The following MUC5B variants were observed in gnomAD, a reference collection of about 807,000 sequenced individuals.
MUC5B encodes the protein mucin-5B.
Under a neutral mutation model 376.9 loss-of-function variants are expected in MUC5B, and 116 were observed. The observed-to-expected ratio is 0.31, with a 90% CI of 0.26 to 0.36. The LOEUF (loss-of-function observed/expected upper bound fraction) is 0.36. Ranked by LOEUF, MUC5B falls within the 10% of genes least tolerant of loss-of-function variation. The pLI, the probability that MUC5B is intolerant of heterozygous loss-of-function variation, is 1.00. For synonymous variants in MUC5B, 3,517 were observed against 3,390.9 expected, an observed-to-expected ratio of 1.04 and a Z score of -1.29; for missense variants, 7,165 against 7,769.9, an observed-to-expected ratio of 0.92 and a Z score of 2.93.
rs761217524 is a variant in MUC5B, at chr11:1,257,799, G to A, written c.16450+89G>A. 39 of 1,406,578 alleles carry A rather than the reference G, an allele frequency of 2.8e-5. No homozygotes were observed. The highest frequency in any genetic ancestry group is 2.5e-4 in the Middle Eastern group (1 of 3,950). 87.1% of individuals were successfully genotyped at this position (1,406,578 alleles called of 1,614,324 possible). A position where few individuals can be genotyped will look rare whatever the true frequency, so the allele number is the denominator to read the frequency against. On this transcript the variant is annotated intron_variant, in intron 41 of 48. Coordinates refer to ENST00000529681, the MANE Select transcript of MUC5B (RefSeq NM_002458.3). The surrounding 1 kb of genome is among the most constrained non-coding windows in gnomAD (Gnocchi z 8.9). ...AGGGGCCTGTGGGTTGGGCACAGGAGAGCAGAGGAGAGCCACTGTGTCCTG... is the reference window on the plus strand; with the variant it reads ...AGGGGCCTGTGGGTTGGGCACAGGAAAGCAGAGGAGAGCCACTGTGTCCTG...
In MUC5B at chr11:1,251,563, C is replaced by T. The variant is rs56159668; in HGVS notation, c.14683C>T (p.Pro4895Ser). Residue 4895 changes from proline to serine, a missense_variant, in exon 31 of 49, where the codon CCC (proline) becomes TCC (serine). Around this residue, in one of 31 missense-constraint regions of MUC5B, gnomAD observed 730 missense variants for 592.7 expected, o/e 1.23. Coordinates refer to ENST00000529681, the MANE Select transcript of MUC5B (RefSeq NM_002458.3). ...GCCCACAGCCACTGCCTCCACGGTT[C>T]CCAGCTCGTCCACCGTGGGGACCAC... is the stretch of plus-strand genomic sequence containing the variant. ...TMPTATASTV[P>S]SSSTVGTTRT... The T allele has an allele frequency of 9.0e-3, 14,454 of 1,612,280 alleles. 81 individuals are homozygous for T. Among genetic ancestry groups the T allele is most frequent in the Middle Eastern group, 0.011 (67 of 6,062 alleles).
Position 1,255,409 on chromosome 11 carries a change from T to A in MUC5B, c.15917T>A (p.Val5306Glu). 1 of 1,603,220 alleles carries A rather than the reference T, an allele frequency of 6.2e-7. No individual in the cohort carries two copies. The highest frequency in any genetic ancestry group is 8.5e-7 in the Non-Finnish European group (1 of 1,175,000). Residue 5306 changes from valine (V) to glutamate (E), a missense_variant, in exon 37 of 49, where the codon GTG (valine) becomes GAG (glutamate). By Grantham distance (121) the Val-to-Glu change is moderately radical. Coordinates refer to ENST00000529681, the MANE Select transcript of MUC5B (RefSeq NM_002458.3). ...GTCTTTGCTGAGTGCCACAACCTTG[T>A]GCCCCCGGGCCCATTCTTCAACGCC... The part of the protein sequence containing the change: ...SQVFAECHNL[V>E]PPGPFFNACI...
At position 1,242,190 on chromosome 11, in the gene MUC5B, C is replaced by G; in HGVS notation, c.5310C>G (p.Ser1770Arg). 1 of 1,613,544 alleles carries G rather than the reference C, an allele frequency of 6.2e-7. No homozygotes were observed. Among genetic ancestry groups the G allele is most frequent in the African/African-American group, 1.3e-5 (1 of 75,016 alleles). The stretch of plus-strand genomic sequence containing the variant: ...CGCCCAGGACAGAGACGACAATGAG[C>G]CCCTTGACTAACACCACCACCAGCC... ...TSTPRTETTMSPLTNTTTSQG... is the reference protein window; with the variant it reads ...TSTPRTETTMRPLTNTTTSQG... The change falls in exon 31 of 49, where the codon AGC becomes AGG. Residue 1770 changes from serine (S) to arginine (R), a missense_variant. By Grantham distance (110) the Ser-to-Arg change is moderately radical. Around this residue, in one of 31 missense-constraint regions of MUC5B, gnomAD observed 897 missense variants for 779.6 expected, o/e 1.15. Transcript: ENST00000529681.
chr11:1,235,985 C>A (rs1229355776), intron 23 of MUC5B, among the ~76,000 whole-genome samples: 1 of 152,208 alleles, frequency 6.6e-6, no homozygotes, highest in Non-Finnish European at 1.5e-5. Context: ...CAAAGGGGGG[C>A]CAGAGCTCCC....
Position 1,247,168 on chromosome 11 carries a change from A to G in MUC5B, c.10288A>G (p.Ser3430Gly). The change falls in exon 31 of 49, where the codon AGC becomes GGC. Residue 3430 changes from serine (S) to glycine (G), a missense_variant. This residue lies in a region of MUC5B where 939 missense variants were observed against 770.6 expected (regional missense o/e 1.22). Coordinates refer to ENST00000529681, the MANE Select transcript of MUC5B (RefSeq NM_002458.3). ...CACCGCCACCACACCTGCAGCCACC[A>G]GCAGCACAGTGACTCCCTCCTCTGC... ...TTTATTPAAT[S>G]STVTPSSALG... 1.3e-6 allele frequency: 2 copies of G among 1,544,390 alleles called. No homozygotes were observed. Among genetic ancestry groups the G allele is most frequent in the Non-Finnish European group, 1.8e-6 (2 of 1,131,770 alleles).
At position 1,234,192 on chromosome 11, in the gene MUC5B, G is replaced by A. The variant is rs1325430600; in HGVS notation, c.2378-13G>A. 5 of 1,588,844 alleles carry A rather than the reference G, an allele frequency of 3.1e-6. No homozygotes were observed. In the East Asian group the frequency reaches 6.8e-5, roughly 22 times the overall value. On this transcript the variant is annotated splice_polypyrimidine_tract_variant and intron_variant, in intron 19 of 48. Coordinates refer to ENST00000529681, the MANE Select transcript of MUC5B (RefSeq NM_002458.3). This position sits in a 1 kb window ranked among gnomAD's most constrained non-coding sequence, Gnocchi z 6.3. The stretch of plus-strand genomic sequence containing the variant: ...CCTTCCCCAGGACCCCTCCCACCAA[G>A]CTCTGTCCCCAGGGTGTGCAGCCCC...
Position 1,258,029 on chromosome 11 carries a change from T to A in MUC5B, c.16451-70T>A, listed in dbSNP as rs989013107. ...CCTCGGGGAAAAGCACGCCTGCGACTTACTCTGGGAACAAGTGGTCGGGAG... is the reference window on the plus strand; with the variant it reads ...CCTCGGGGAAAAGCACGCCTGCGACATACTCTGGGAACAAGTGGTCGGGAG... On this transcript the variant is annotated intron_variant, in intron 41 of 48. Transcript: ENST00000529681. The surrounding 1 kb of genome is among the most constrained non-coding windows in gnomAD (Gnocchi z 5.5). 22 of 1,440,686 alleles carry A rather than the reference T, an allele frequency of 1.5e-5. No homozygotes were observed. Among genetic ancestry groups the A allele is most frequent in the Non-Finnish European group, 2.1e-5 (22 of 1,052,672 alleles). The allele number at this position is 1,440,686 out of a possible 1,614,324, so 89.2% of individuals were successfully genotyped here.
chr11:1,250,577 C>A lies in MUC5B; in HGVS notation c.13697C>A (p.Thr4566Asn), dbSNP rs375919977. The change falls in exon 31 of 49, where the codon ACC becomes AAC. Residue 4566 changes from threonine (T) to asparagine (N), a missense_variant. Around this residue, in one of 31 missense-constraint regions of MUC5B, gnomAD observed 730 missense variants for 592.7 expected, o/e 1.23. Transcript: ENST00000529681. ...ACTGTCCACACCTCCACAGTGCTTA[C>A]CGCCACGGCCACCACAACCGGGGCC... Reference protein sequence around the residue: ...PETVHTSTVLTATATTTGATG... With the variant: ...PETVHTSTVLNATATTTGATG... 28 of 1,613,594 alleles carry A rather than the reference C, an allele frequency of 1.7e-5. No homozygotes were observed. In the African/African-American group the frequency reaches 3.1e-4, roughly 18 times the overall value.
rs1433932744 is a variant in MUC5B at position 1,251,140 on chromosome 11, C to CCCT, written c.14266_14268dup (p.Ser4756dup). 1 of 1,611,306 alleles carries CCCT rather than the reference C, an allele frequency of 6.2e-7. No homozygotes were observed. The highest frequency in any genetic ancestry group is 2.2e-5 in the East Asian group (1 of 44,882). ...CACAGCTACCAGCTTTACACCCATCCCCTCCTCCACCCTGTGGACCACGTG... is the reference window on the plus strand; with the variant it reads ...CACAGCTACCAGCTTTACACCCATCCCCTCCTCCTCCACCCTGTGGACCACGTG... On this transcript the variant is annotated inframe_insertion, in exon 31 of 49. Coordinates refer to ENST00000529681, the MANE Select transcript of MUC5B (RefSeq NM_002458.3).
rs1863008106 is a variant in MUC5B at position 1,261,955 on chromosome 11, C to T, written c.*347C>T. ...CGGAGCGCCCGCGCAGCACGGATTCCAGCTGGCCACGTCCGGCCGCTGGGG... is the reference window on the plus strand; with the variant it reads ...CGGAGCGCCCGCGCAGCACGGATTCTAGCTGGCCACGTCCGGCCGCTGGGG... On this transcript the variant is annotated 3_prime_UTR_variant, in exon 49 of 49. Transcript: ENST00000529681. 5 of 518,352 alleles carry T rather than the reference C, an allele frequency of 9.6e-6. No homozygotes were observed. The highest frequency in any genetic ancestry group is 3.8e-5 in the African/African-American group (2 of 52,640). The allele number at this position is 518,352 out of a possible 1,614,324, so 32.1% of individuals were successfully genotyped here.
In MUC5B at chr11:1,246,197, C is replaced by G; in HGVS notation, c.9317C>G (p.Ser3106Cys). Reference protein sequence around the residue: ...PSSTPETTHTSTVLTTKATTT... With the variant: ...PSSTPETTHTCTVLTTKATTT... ...TCCACTCCGGAGACCACCCACACCT[C>G]CACAGTGCTGACCACGAAGGCCACC... The change falls in exon 31 of 49, where the codon TCC becomes TGC. Residue 3106 changes from serine (S) to cysteine (C), a missense_variant. By Grantham distance (112) the Ser-to-Cys change is moderately radical (BLOSUM62 -1). Around this residue, in one of 31 missense-constraint regions of MUC5B, gnomAD observed 939 missense variants for 770.6 expected, o/e 1.22. Coordinates refer to ENST00000529681, the MANE Select transcript of MUC5B (RefSeq NM_002458.3). The G allele has an allele frequency of 1.2e-6, 2 of 1,612,554 alleles. No homozygotes were observed. Among genetic ancestry groups the G allele is most frequent in the Non-Finnish European group, 1.7e-6 (2 of 1,179,464 alleles).
rs941239117 is a variant in MUC5B at position 1,247,463 on chromosome 11, C to G, written c.10583C>G (p.Thr3528Ser). The part of the protein sequence containing the change: ...TTESPPSPGT[T>S]TPGHTRGTSR... Reference sequence around the variant, plus strand: ...GAGTCACCCCCTTCTCCAGGGACGACCACCCCGGGCCACACCAGGGGCACC... The same window carrying G: ...GAGTCACCCCCTTCTCCAGGGACGAGCACCCCGGGCCACACCAGGGGCACC... The change falls in exon 31 of 49, where the codon ACC (threonine) becomes AGC (serine). Residue 3528 changes from threonine to serine, a missense_variant. Coordinates refer to ENST00000529681, the MANE Select transcript of MUC5B (RefSeq NM_002458.3). 2 of 1,608,944 alleles carry G rather than the reference C, an allele frequency of 1.2e-6. No individual in the cohort carries two copies. Among genetic ancestry groups the G allele is most frequent in the Non-Finnish European group, 1.7e-6 (2 of 1,178,446 alleles).
intron 44 of MUC5B, 54 bp downstream of exon 44, chr11:1,259,115 G>A: frequency 6.7e-7 from 1 of 1,489,012 alleles, no homozygotes. Context: ...CTGCCCCCAA[G>A]TGAGACCCGA....
intron 31 of MUC5B, among the ~76,000 whole-genome samples, chr11:1,252,099 G>A (rs1261147114): frequency 3.3e-5 from 5 of 151,760 alleles, no homozygotes; most frequent in South Asian, 2.1e-4. Flanking sequence ...AGTCCCCACT[G>A]GCCACACTCG....
rs377732364 is a variant in MUC5B at position 1,246,266 on chromosome 11, C to T, written c.9386C>T (p.Pro3129Leu). ...TCCATGTCCACCCCCTCCTCCACTC[C>T]GGGGACGACCTGGATCCTCACAGAG... ...TSSMSTPSST[P>L]GTTWILTELT... Residue 3129 changes from proline to leucine, a missense_variant, in exon 31 of 49, where the codon CCG (proline) becomes CTG (leucine). Pro to Leu is a moderately conservative substitution (Grantham distance 98, BLOSUM62 -3). Transcript: ENST00000529681. 8.6e-5 allele frequency: 139 copies of T among 1,612,672 alleles called. 1 individual carries two copies. Among genetic ancestry groups the T allele is most frequent in the African/African-American group, 5.9e-4 (44 of 74,692 alleles).
rs535589552 is a variant in MUC5B at position 1,249,170 on chromosome 11, C to T, written c.12290C>T (p.Thr4097Met). The T allele has an allele frequency of 4.0e-5, 60 of 1,517,954 alleles. 1 individual carries two copies. The highest frequency in any genetic ancestry group is 2.4e-4 in the South Asian group (21 of 89,274). The allele number at this position is 1,517,954 out of a possible 1,614,324, so 94.0% of individuals were successfully genotyped here. A position where few individuals can be genotyped will look rare whatever the true frequency, so the allele number is the denominator to read the frequency against. The change falls in exon 31 of 49, where the codon ACG becomes ATG. Residue 4097 changes from threonine to methionine, a missense_variant. Physicochemically the swap from Thr to Met is moderately conservative, Grantham distance 81. Transcript: ENST00000529681. ...CACACCACGGCCACCTCCAGGACCA[C>T]GGCCACGGCCACACCCAGCAAGACC... is the stretch of plus-strand genomic sequence containing the variant. ...PGHTTATSRTTATATPSKTRT... is the reference protein window; with the variant it reads ...PGHTTATSRTMATATPSKTRT...
chr11:1,241,877 T>C lies in MUC5B; in HGVS notation c.4997T>C (p.Leu1666Pro). Residue 1666 changes from leucine (L) to proline (P), a missense_variant, in exon 31 of 49, where the codon CTT becomes CCT. Physicochemically the swap from Leu to Pro is moderately conservative, Grantham distance 98. Transcript: ENST00000529681. ...ACATCCCCCAGATACACAAGCACCC[T>C]TGGTACAGCCACCACGGGAGGCCCC... ...GLTSPRYTSTLGTATTGGPTT... is the reference protein window; with the variant it reads ...GLTSPRYTSTPGTATTGGPTT... 5 of 1,612,950 alleles carry C rather than the reference T, an allele frequency of 3.1e-6. No homozygotes were observed. Among genetic ancestry groups the C allele is most frequent in the Non-Finnish European group, 4.2e-6 (5 of 1,179,602 alleles).
intron 39 of MUC5B, 22 bp downstream of exon 39, chr11:1,256,793 G>A (rs374197325): frequency 3.0e-5 from 45 of 1,509,040 alleles, no homozygotes; most frequent in Admixed American, 2.8e-4. Flanking sequence ...CACCTGTGGC[G>A]GGATACGACC....
Position 1,244,716 on chromosome 11 carries a change from A to C in MUC5B, c.7836A>C (p.Thr2612=), listed in dbSNP as rs1229620483. The C allele has an allele frequency of 1.9e-6, 3 of 1,610,950 alleles. No homozygotes were observed. The highest frequency in any genetic ancestry group is 2.5e-6 in the Non-Finnish European group (3 of 1,178,778). The change falls in exon 31 of 49, where the codon ACA becomes ACC. Residue 2612 remains threonine, a synonymous_variant. Coordinates refer to ENST00000529681, the MANE Select transcript of MUC5B (RefSeq NM_002458.3). The stretch of plus-strand genomic sequence containing the variant: ...ACACTACCAAAGTGCTGACTACCAC[A>C]ACCACGGGCTTCACAGCCACCCCCT... ...TAHTTKVLTT[T]TTGFTATPSS...
Sources: gnomAD v4.1 joint callset for allele counts (sites outside exome capture counted in the v4.1 genomes callset) on GRCh38, gnomAD v4.1.1 for gene constraint, gnomAD v4.1.1 regional missense constraint, Gnocchi (gnomAD v3.1) non-coding constraint, MANE v1.5 for transcripts, NCBI Gene and HGNC (gene_info 2026-07-23, HGNC 2026-07-21) for gene names.